Variants in FBXO11 observed in about 807,000 individuals in gnomAD.
The protein encoded by FBXO11 is F-box only protein 11.
In FBXO11, 13 loss-of-function variants were observed where a neutral mutation model predicts 117.0. That is an observed-to-expected ratio of 0.11 (90% CI 0.07 to 0.18). The LOEUF is 0.18. FBXO11 is among the 10% of genes least tolerant of loss of function. The pLI, the probability that FBXO11 is intolerant of heterozygous loss-of-function variation, is 1.00. For missense variants in FBXO11, 767 were observed against 1,164.4 expected, an observed-to-expected ratio of 0.66 and a Z score of 4.97; for synonymous variants, 490 against 380.5, an observed-to-expected ratio of 1.29 and a Z score of -3.35.
At position 47,859,421 on chromosome 2, in the gene FBXO11, A is replaced by T. The variant is rs544662896; in HGVS notation, c.233-19652T>A. ...TTTCAGATGTCTTGGAGGATTTTTT[A>T]AAAAAAGATTAAACTAATTTCACCG... On this transcript the variant is annotated intron_variant, in intron 1 of 22. Coordinates refer to ENST00000403359, the MANE Select transcript of FBXO11 (RefSeq NM_001190274.2). Among the ~76,000 whole-genome samples the T allele has an allele frequency of 2.9e-4, 44 of 152,312 alleles. 1 individual carries two copies. The highest frequency in any genetic ancestry group is 9.6e-4 in the African/African-American group (40 of 41,582).
intron 1 of FBXO11, among the ~76,000 whole-genome samples, chr2:47,894,027 C>T (rs1677461994): frequency 6.6e-6 from 1 of 152,206 alleles, no homozygotes; most frequent in South Asian, 2.1e-4. Context: ...CCTTTGCTAT[C>T]TAAGGCTACC....
chr2:47,848,963 G>GT (rs1042109345), intron 1 of FBXO11, among the ~76,000 whole-genome samples: 1 of 152,096 alleles, frequency 6.6e-6, no homozygotes, highest in African/African-American at 2.4e-5. Flanking sequence ...ATTGACAGAA[G>GT]TTTTTTTCCC....
Position 47,807,230 on chromosome 2 carries a change from T to A in FBXO11, c.*888A>T. 4.1e-6 allele frequency: 1 copy of A among 244,196 alleles called. No individual in the cohort carries two copies. Among genetic ancestry groups the A allele is most frequent in the African/African-American group, 2.2e-5 (1 of 45,030 alleles). 15.1% of individuals were successfully genotyped at this position (244,196 alleles called of 1,614,324 possible). A position where few individuals can be genotyped will look rare whatever the true frequency, so the allele number is the denominator to read the frequency against. On this transcript the variant is annotated 3_prime_UTR_variant, in exon 23 of 23. Transcript: ENST00000403359. ...GTCTAAACTGTTCAAAAAAAAACTA[T>A]GAACAGAGTTCAAATACAGGACTGT...
intron 1 of FBXO11, among the ~76,000 whole-genome samples, chr2:47,851,557 T>C (rs1396296191): frequency 1.3e-5 from 2 of 152,108 alleles, no homozygotes; most frequent in African/African-American, 4.8e-5. Flanking sequence ...CTAGTCATTG[T>C]GAATATGAAG....
At chr2:47,893,178 A>AAATAAATAAC (rs1677392309) in intron 1 of FBXO11, among the ~76,000 whole-genome samples, 1 of 151,960 alleles carries the variant, frequency 6.6e-6, no homozygotes, top group Non-Finnish European at 1.5e-5. Context: ...AAATAAATAA[A>AAATAAATAAC]TAAATAAATG....
chr2:47,869,951 A>G lies in FBXO11; in HGVS notation c.233-30182T>C, dbSNP rs556784878. ...CCTGGCCTCCCAAAGTGCTGGGATT[A>G]TAGGAGTGAGCCACCAAGCCTGGCC... is the stretch of plus-strand genomic sequence containing the variant. On this transcript the variant is annotated intron_variant, in intron 1 of 22. Transcript: ENST00000403359. 3.3e-5 allele frequency among the ~76,000 whole-genome samples: 5 copies of G among 152,312 alleles called. No homozygotes were observed. The South Asian group carries it at 1.0e-3, about 32-fold the overall frequency.
intron 13 of FBXO11, 107 bp from the exon 14 acceptor site, chr2:47,820,563 C>A: frequency 2.6e-6 from 2 of 755,444 alleles, no homozygotes; most frequent in Non-Finnish European, 2.2e-6. Context: ...ATTTTAGTGA[C>A]CATTACAAGA....
Position 47,906,064 on chromosome 2 carries a change from A to G in FBXO11, c.-344T>C. On this transcript the variant is annotated 5_prime_UTR_variant, in exon 1 of 23. Coordinates refer to ENST00000403359, the MANE Select transcript of FBXO11 (RefSeq NM_001190274.2). ...CCGCCGCTTGGGGATCCCGAGGCGAAGCGCGGCGGCGGCGGCGGCGGCGGC... is the reference window on the plus strand; with the variant it reads ...CCGCCGCTTGGGGATCCCGAGGCGAGGCGCGGCGGCGGCGGCGGCGGCGGC... 1.2e-5 allele frequency: 2 copies of G among 170,286 alleles called. No individual in the cohort carries two copies. The highest frequency in any genetic ancestry group is 1.2e-5 in the Non-Finnish European group (1 of 82,122). The allele number at this position is 170,286 out of a possible 1,614,324, so 10.5% of individuals were successfully genotyped here.
chr2:47,844,403 T>C (rs1054384584), intron 1 of FBXO11, among the ~76,000 whole-genome samples: 2 of 152,200 alleles, frequency 1.3e-5, no homozygotes, highest in African/African-American at 4.8e-5. Flanking sequence ...GGGTCTTTGT[T>C]TCAGATATAT....
In FBXO11 at chr2:47,838,126, A is replaced by C. The variant is rs142973519; in HGVS notation, c.587+733T>G. 1.9e-3 allele frequency among the ~76,000 whole-genome samples: 287 copies of C among 150,294 alleles called. 2 individuals carry two copies. Among genetic ancestry groups the C allele is most frequent in the African/African-American group, 6.7e-3 (273 of 41,052 alleles). ...CACATGCCTGTGGTGCCAGCTACTC[A>C]GGAGGCTGAGGTGGGAGAATGGCTT... On this transcript the variant is annotated intron_variant, in intron 4 of 22. Coordinates refer to ENST00000403359, the MANE Select transcript of FBXO11 (RefSeq NM_001190274.2).
intron 4 of FBXO11, among the ~76,000 whole-genome samples, chr2:47,838,061 C>CAAA (rs11286219): frequency 9.6e-6 from 1 of 104,482 alleles, no homozygotes; most frequent in African/African-American, 3.7e-5. Flanking sequence ...CCCTTTGTCT[C>CAAA]AAAAAAAAAA....
Position 47,832,964 on chromosome 2 carries a change from C to T in FBXO11, c.1041G>A (p.Arg347=). 3 of 1,608,348 alleles carry T rather than the reference C, an allele frequency of 1.9e-6. No homozygotes were observed. The highest frequency in any genetic ancestry group is 2.6e-6 in the Non-Finnish European group (3 of 1,174,936). Residue 347 remains arginine (R), a splice_region_variant and synonymous_variant, in exon 8 of 23, where the codon AGG becomes AGA. Coordinates refer to ENST00000403359, the MANE Select transcript of FBXO11 (RefSeq NM_001190274.2). ...EDAYVGYMTI[R]FNPDDKSAQH... ...TATTTTAAATCTTAACATGTCTTAC[C>T]CTTATTGTCATATATCCAACATAAG...
In FBXO11 at chr2:47,839,147, A is replaced by G. The variant is rs562380428; in HGVS notation, c.443-144T>C. ...TAAGCATGTGGGTTTCATGGGTAAC[A>G]CATATTTATCTCTATCCTGAACTAA... On this transcript the variant is annotated intron_variant, in intron 3 of 22. Coordinates refer to ENST00000403359, the MANE Select transcript of FBXO11 (RefSeq NM_001190274.2). The G allele has an allele frequency of 3.7e-6, 3 of 820,930 alleles. No individual in the cohort carries two copies. In the East Asian group the frequency reaches 8.1e-5, roughly 22 times the overall value. 50.9% of individuals were successfully genotyped at this position (820,930 alleles called of 1,614,324 possible). A position where few individuals can be genotyped will look rare whatever the true frequency, so the allele number is the denominator to read the frequency against.
At chr2:47,865,710 A>G (rs891715002) in intron 1 of FBXO11, 1 of 152,240 alleles carries the variant, frequency 6.6e-6, no homozygotes, top group Non-Finnish European at 1.5e-5. Flanking sequence ...AATCTTAAAT[A>G]AATTTAAGAC....
chr2:47,866,601 G>A (rs1675217714), intron 1 of FBXO11, among the ~76,000 whole-genome samples: 1 of 151,918 alleles, frequency 6.6e-6, no homozygotes, highest in African/African-American at 2.4e-5. Context: ...AGCCTCCCGA[G>A]TAGCTAGGAT....
At chr2:47,877,261 T>C (rs182475624) in intron 1 of FBXO11, among the ~76,000 whole-genome samples, 655 of 152,234 alleles carry the variant, frequency 4.3e-3, no homozygotes, top group South Asian at 1.0e-2. Flanking sequence ...GGTTCTTTTA[T>C]GGCAATTATT....
intron 1 of FBXO11, among the ~76,000 whole-genome samples, chr2:47,874,496 T>C (rs973581404): frequency 6.6e-6 from 1 of 152,026 alleles, no homozygotes; most frequent in African/African-American, 2.4e-5. Flanking sequence ...TACCTCTTTG[T>C]ACTAAGTAAG....
In FBXO11 at chr2:47,905,772, A is replaced by C; in HGVS notation, c.-52T>G. 1 of 1,275,162 alleles carries C rather than the reference A, an allele frequency of 7.8e-7. No individual in the cohort carries two copies. The highest frequency in any genetic ancestry group is 1.0e-6 in the Non-Finnish European group (1 of 984,184). 79.0% of individuals were successfully genotyped at this position (1,275,162 alleles called of 1,614,324 possible). A position where few individuals can be genotyped will look rare whatever the true frequency, so the allele number is the denominator to read the frequency against. On this transcript the variant is annotated 5_prime_UTR_variant, in exon 1 of 23. Coordinates refer to ENST00000403359, the MANE Select transcript of FBXO11 (RefSeq NM_001190274.2). Reference sequence around the variant, plus strand: ...CGGAGGGACACACACACGCACACGCACAGCGAGCTTCGGGGCAGGAGAAAG... The same window carrying C: ...CGGAGGGACACACACACGCACACGCCCAGCGAGCTTCGGGGCAGGAGAAAG...
chr2:47,851,855 A>G (rs940261484), intron 1 of FBXO11, among the ~76,000 whole-genome samples: 2 of 152,260 alleles, frequency 1.3e-5, no homozygotes, highest in African/African-American at 4.8e-5. Context: ...TATTCTTATA[A>G]GCATTAAATC....
Sources: allele counts gnomAD v4.1 joint callset (sites outside exome capture counted in the v4.1 genomes callset), GRCh38; gene constraint gnomAD v4.1.1; transcripts MANE v1.5; gene names NCBI Gene and HGNC (gene_info 2026-07-23, HGNC 2026-07-21).